Variants in RYR3 observed in about 807,000 individuals in gnomAD.
RYR3 encodes ryanodine receptor 3.
A neutral mutation model predicts 584.3 loss-of-function variants in RYR3; 207 were observed. The ratio of observed to expected loss-of-function variants is 0.35; its 90% CI spans 0.32 to 0.40. The LOEUF (loss-of-function observed/expected upper bound fraction) is 0.40, where lower values mean the gene tolerates loss of function less well. Among genes scored for constraint, RYR3 ranks in the 10% least tolerant of loss-of-function variants. The probability of loss-of-function intolerance (pLI) is 1.00; values close to 1 mark genes in which losing one functional copy is unlikely to be tolerated. For missense variants in RYR3, 5,616 were observed against 6,089.2 expected (o/e 0.92, Z 2.59); for synonymous variants, 2,416 against 2,248.5 (o/e 1.07, Z -2.11).
chr15:33,436,924 G>C lies in RYR3; in HGVS notation c.52-36495G>C, dbSNP rs116873421. On this transcript the variant is annotated intron_variant, in intron 1 of 103. Coordinates refer to ENST00000634891, the MANE Select transcript of RYR3 (RefSeq NM_001036.6). Reference sequence around the variant, plus strand: ...AAAATATTTTCTTCTAACATTTTCAGAGTTTTTCTTTTTACATTTAAATAT... The same window carrying C: ...AAAATATTTTCTTCTAACATTTTCACAGTTTTTCTTTTTACATTTAAATAT... Among the ~76,000 whole-genome samples the C allele has an allele frequency of 6.0e-3, 921 of 152,244 alleles. 4 individuals are homozygous for C. Among genetic ancestry groups the C allele is most frequent in the Non-Finnish European group, 0.01 (702 of 68,012 alleles).
intron 74 of RYR3, among the ~76,000 whole-genome samples, chr15:33,814,770 A>T (rs1194005292): frequency 6.6e-6 from 1 of 151,954 alleles, no homozygotes; most frequent in East Asian, 1.9e-4. Flanking sequence ...GCATGGTGAC[A>T]TGCACCTGTA....
chr15:33,785,909 C>T lies in RYR3; in HGVS notation c.9516C>T (p.Ile3172=), dbSNP rs747055882. 5.6e-6 allele frequency: 9 copies of T among 1,612,364 alleles called. No homozygotes were observed. Among genetic ancestry groups the T allele is most frequent in the Non-Finnish European group, 7.6e-6 (9 of 1,178,918 alleles). The change falls in exon 66 of 104, where the codon ATC becomes ATT. Residue 3172 remains isoleucine, a synonymous_variant. Coordinates refer to ENST00000634891, the MANE Select transcript of RYR3 (RefSeq NM_001036.6). ...TKVTSEHLSL[I]LGNILKIINN... is the part of the protein sequence containing the mutation. Reference sequence around the variant, plus strand: ...TCACCTCTGAACACCTCAGTCTCATCCTGGGCAACATTCTGAAAATCATCA... The same window carrying T: ...TCACCTCTGAACACCTCAGTCTCATTCTGGGCAACATTCTGAAAATCATCA...
At chr15:33,754,747 A>G (rs72715124) in intron 57 of RYR3, among the ~76,000 whole-genome samples, 2,988 of 142,462 alleles carry the variant, frequency 0.021, 47 homozygotes, top group Middle Eastern at 0.042. Flanking sequence ...CTAAGATTCC[A>G]TCTAATTTAT....
chr15:33,857,384 T>C (rs914872683), intron 98 of RYR3, among the ~76,000 whole-genome samples: 1 of 151,164 alleles, frequency 6.6e-6, no homozygotes, highest in Non-Finnish European at 1.5e-5. Flanking sequence ...CCTTTTCTTC[T>C]AAGGATGCCG....
chr15:33,457,694 A>G (rs2047672910), intron 1 of RYR3, among the ~76,000 whole-genome samples: 1 of 152,206 alleles, frequency 6.6e-6, no homozygotes, highest in Non-Finnish European at 1.5e-5. Flanking sequence ...AATATCGTAT[A>G]CTTTAAAATA....
rs1249665182 is a variant in RYR3 at position 33,757,568 on chromosome 15, T to C, written c.8677T>C (p.Ser2893Pro). The change falls in exon 60 of 104, where the codon TCC becomes CCC. Residue 2893 changes from serine (S) to proline (P), a missense_variant. Physicochemically the swap from Ser to Pro is moderately conservative, Grantham distance 74. Around this residue, in one of 9 missense-constraint regions of RYR3, gnomAD observed 1,280 missense variants for 1,426.2 expected, o/e 0.90. Coordinates refer to ENST00000634891, the MANE Select transcript of RYR3 (RefSeq NM_001036.6). Reference sequence around the variant, plus strand: ...GCCCCTTAGCAGCAGCGGATATGCCTCCCATAAGGAGAAAGAAATGGTGGC... The same window carrying C: ...GCCCCTTAGCAGCAGCGGATATGCCCCCCATAAGGAGAAAGAAATGGTGGC... ...LKPLSSSGYA[S>P]HKEKEMVAGL... The C allele has an allele frequency of 6.2e-7, 1 of 1,611,172 alleles. No individual in the cohort carries two copies. Among genetic ancestry groups the C allele is most frequent in the Admixed American group, 1.7e-5 (1 of 59,724 alleles).
At chr15:33,473,290 A>T (rs2142225682) in intron 1 of RYR3, 129 bp from the exon 2 acceptor site, 1 of 1,081,854 alleles carries the variant, frequency 9.2e-7, no homozygotes, top group Non-Finnish European at 1.4e-6. Flanking sequence ...AATCAGGTTT[A>T]AAAATAAAAA....
chr15:33,467,915 C>A (rs4780121), intron 1 of RYR3, among the ~76,000 whole-genome samples: 31,670 of 152,060 alleles, frequency 0.21, 3,812 homozygotes, highest in Middle Eastern at 0.3. Flanking sequence ...GGTTATGTTT[C>A]AATGTGGTTT....
At chr15:33,602,112 T>C (rs2059692637) in intron 17 of RYR3, among the ~76,000 whole-genome samples, 1 of 152,172 alleles carries the variant, frequency 6.6e-6, no homozygotes, top group South Asian at 2.1e-4. Context: ...GTCTGCGGTT[T>C]TGTAGCCACT....
At chr15:33,790,331 T>C (rs1244538307) in intron 67 of RYR3, among the ~76,000 whole-genome samples, 6 of 152,016 alleles carry the variant, frequency 3.9e-5, no homozygotes, top group Non-Finnish European at 8.8e-5. Flanking sequence ...TGTTTTTCTG[T>C]AAGTTGATGG....
intron 3 of RYR3, among the ~76,000 whole-genome samples, chr15:33,523,658 C>T (rs1293169387): frequency 6.6e-6 from 1 of 152,018 alleles, no homozygotes; most frequent in African/African-American, 2.4e-5. Flanking sequence ...CAGGGTAGAC[C>T]TAGAATCTAA....
chr15:33,498,755 A>G (rs1278583353), intron 2 of RYR3, among the ~76,000 whole-genome samples: 1 of 152,098 alleles, frequency 6.6e-6, no homozygotes, highest in Non-Finnish European at 1.5e-5. Flanking sequence ...ATTTGTCCAC[A>G]CCAATGTCCT....
In RYR3 at chr15:33,852,748, T is replaced by A. The variant is rs184303377; in HGVS notation, c.13629-297T>A. The A allele has an allele frequency of 5.2e-4, 153 of 291,784 alleles. 1 individual carries two copies. Among genetic ancestry groups the A allele is most frequent in the South Asian group, 3.8e-3 (85 of 22,460 alleles). The allele number at this position is 291,784 out of a possible 1,614,324, so 18.1% of individuals were successfully genotyped here. A position where few individuals can be genotyped will look rare whatever the true frequency, so the allele number is the denominator to read the frequency against. ...GGATTAGGGAAAGGACTTAGAAACA[T>A]ACAACTGTCTCTGTCTAATCTGTCA... On this transcript the variant is annotated intron_variant, in intron 94 of 103. Transcript: ENST00000634891.
intron 97 of RYR3, 119 bp from the exon 98 acceptor site, chr15:33,854,647 C>G: frequency 7.6e-7 from 1 of 1,319,076 alleles, no homozygotes; most frequent in South Asian, 1.4e-5. Context: ...CAGCTCACAG[C>G]ACCTCAGCAC....
chr15:33,511,345 A>AC (rs2052983546), intron 3 of RYR3, among the ~76,000 whole-genome samples: 1 of 151,628 alleles, frequency 6.6e-6, no homozygotes, highest in African/African-American at 2.4e-5. Context: ...AAAAAAAAAA[A>AC]AAAAAACTCT....
intron 1 of RYR3, among the ~76,000 whole-genome samples, chr15:33,428,879 C>T (rs539660061): frequency 6.6e-6 from 1 of 152,168 alleles, no homozygotes; most frequent in African/African-American, 2.4e-5. Context: ...CCTGAGATAA[C>T]ACAATATACC....
chr15:33,424,927 C>T (rs2044497313), intron 1 of RYR3, among the ~76,000 whole-genome samples: 1 of 152,108 alleles, frequency 6.6e-6, no homozygotes, highest in African/African-American at 2.4e-5. Flanking sequence ...AGCCTGGCAA[C>T]ATTTTGAAAA....
chr15:33,654,180 T>C (rs2152691608), intron 32 of RYR3, among the ~76,000 whole-genome samples: 1 of 152,202 alleles, frequency 6.6e-6, no homozygotes, highest in Middle Eastern at 3.4e-3. Flanking sequence ...AGAATGTTCA[T>C]TAAGGAGAAA....
chr15:33,503,888 T>C (rs974534610), intron 3 of RYR3, 150 bp downstream of exon 3: 3 of 620,918 alleles, frequency 4.8e-6, no homozygotes, highest in East Asian at 2.8e-5. Flanking sequence ...CTGAGTTGAG[T>C]TGGTGTTATT....
Sources: allele counts gnomAD v4.1 joint callset (sites outside exome capture counted in the v4.1 genomes callset), GRCh38; gene constraint gnomAD v4.1.1; regional missense constraint gnomAD v4.1.1; transcripts MANE v1.5; gene names NCBI Gene and HGNC (gene_info 2026-07-23, HGNC 2026-07-21).